Variants in SPAG16 observed in about 807,000 individuals in gnomAD.
SPAG16 encodes sperm-associated antigen 16 protein.
A neutral mutation model predicts 80.4 loss-of-function variants in SPAG16; 86 were observed. That is an observed-to-expected ratio of 1.07 (90% CI 0.90 to 1.28). SPAG16 has a LOEUF of 1.28. Ranked by LOEUF, SPAG16 falls within the 50% of genes most tolerant of loss-of-function variation. The probability of loss-of-function intolerance (pLI) is 0.00; values close to 1 mark genes in which losing one functional copy is unlikely to be tolerated. For missense variants in SPAG16, 870 were observed against 765.3 expected (o/e 1.14, Z -1.61); for synonymous variants, 294 against 265.9 (o/e 1.11, Z -1.03).
At chr2:213,613,463 A>G (rs2061500603) in intron 10 of SPAG16, among the ~76,000 whole-genome samples, 1 of 152,206 alleles carries the variant, frequency 6.6e-6, no homozygotes, top group East Asian at 1.9e-4. Flanking sequence ...TAGACTAGGT[A>G]ATTCCATTCT....
intron 12 of SPAG16, among the ~76,000 whole-genome samples, chr2:213,939,499 A>G (rs1335378186): frequency 6.6e-6 from 1 of 152,228 alleles, no homozygotes; most frequent in Non-Finnish European, 1.5e-5. Flanking sequence ...GAAAGAATTA[A>G]AAACCTTCAG....
intron 15 of SPAG16, among the ~76,000 whole-genome samples, chr2:214,184,279 A>G (rs927535523): frequency 6.6e-6 from 1 of 152,036 alleles, no homozygotes; most frequent in African/African-American, 2.4e-5. Flanking sequence ...TTGGATATTA[A>G]AACTCACCAA....
In SPAG16 at chr2:213,959,696, T is replaced by C. The variant is rs541928252; in HGVS notation, c.1400+29551T>C. ...CCTCTGGTTGAGCTCCCTGATGCCT[T>C]TGGAATTCCAGTCAGCCTCCCATCA... On this transcript the variant is annotated intron_variant, in intron 12 of 15. Transcript: ENST00000331683. Among the ~76,000 whole-genome samples, 6 of 152,306 alleles carry C rather than the reference T, an allele frequency of 3.9e-5. No homozygotes were observed. In the East Asian group the frequency reaches 1.2e-3, roughly 29 times the overall value.
chr2:213,716,204 G>A (rs1559403465), intron 10 of SPAG16, among the ~76,000 whole-genome samples: 1 of 152,024 alleles, frequency 6.6e-6, no homozygotes, highest in Non-Finnish European at 1.5e-5. Flanking sequence ...AATTGAAGAT[G>A]CAATACAGTA....
At chr2:213,437,642 C>T (rs1377555574) in intron 9 of SPAG16, among the ~76,000 whole-genome samples, 2 of 152,178 alleles carry the variant, frequency 1.3e-5, no homozygotes, top group East Asian at 3.8e-4. Context: ...GCTACAGTGA[C>T]CTTTACTTTT....
intron 10 of SPAG16, among the ~76,000 whole-genome samples, chr2:213,645,254 G>T (rs1017375995): frequency 6.6e-6 from 1 of 152,104 alleles, no homozygotes; most frequent in Non-Finnish European, 1.5e-5. Context: ...AGGGCAGTGG[G>T]CTCCCTTCTG....
chr2:214,239,716 A>G (rs16851644), intron 15 of SPAG16: 19,805 of 152,066 alleles, frequency 0.13, 1,333 homozygotes, highest in East Asian at 0.19. Flanking sequence ...GCTGCACTGG[A>G]GCTGGAGACA....
At chr2:214,089,074 A>G (rs2051982350) in intron 13 of SPAG16, among the ~76,000 whole-genome samples, 1 of 152,118 alleles carries the variant, frequency 6.6e-6, no homozygotes, top group Non-Finnish European at 1.5e-5. Context: ...CTCTGTATCT[A>G]TTCCATTCCC....
chr2:213,343,050 A>G (rs553767288), intron 6 of SPAG16, among the ~76,000 whole-genome samples: 1 of 152,128 alleles, frequency 6.6e-6, no homozygotes, highest in East Asian at 1.9e-4. Context: ...AGCTTAAGAA[A>G]TATCTGTAAT....
chr2:213,292,645 CAG>C (rs1449680068), intron 1 of SPAG16, among the ~76,000 whole-genome samples: 2 of 125,626 alleles, frequency 1.6e-5, no homozygotes, highest in Admixed American at 8.5e-5. Context: ...GCCTGGGCGA[CAG>C]AGCGAGACTC....
At chr2:213,489,668 T>C (rs955278964) in intron 9 of SPAG16, among the ~76,000 whole-genome samples, 2 of 152,070 alleles carry the variant, frequency 1.3e-5, no homozygotes, top group African/African-American at 2.4e-5. Flanking sequence ...ACCAATAATA[T>C]ATGACAATGC....
rs73987185 is a variant in SPAG16 at position 214,131,272 on chromosome 2, A to G, written c.1594-17868A>G. On this transcript the variant is annotated intron_variant, in intron 14 of 15. Coordinates refer to ENST00000331683, the MANE Select transcript of SPAG16 (RefSeq NM_024532.5). ...TGGTCCTAGTTGCTTCGGGAAGTTG[A>G]AGTGGGAGGATGGCTTGAGAGCAGG... is the stretch of plus-strand genomic sequence containing the variant. 9.0e-3 allele frequency among the ~76,000 whole-genome samples: 1,366 copies of G among 152,054 alleles called. 27 individuals are homozygous for G. The highest frequency in any genetic ancestry group is 0.031 in the African/African-American group (1,292 of 41,480).
chr2:214,313,820 A>G (rs1695498452), intron 15 of SPAG16, among the ~76,000 whole-genome samples: 1 of 152,048 alleles, frequency 6.6e-6, no homozygotes, highest in Admixed American at 6.6e-5. Context: ...ATAACATTTA[A>G]TGTTTTATTC....
intron 10 of SPAG16, among the ~76,000 whole-genome samples, chr2:213,659,683 G>A (rs1008621653): frequency 7.2e-5 from 11 of 152,118 alleles, no homozygotes; most frequent in Non-Finnish European, 1.5e-4. Context: ...AGTAAACAAT[G>A]CTATCTCAAA....
intron 10 of SPAG16, among the ~76,000 whole-genome samples, chr2:213,792,701 A>C (rs939672180): frequency 4.2e-5 from 6 of 142,902 alleles, no homozygotes; most frequent in African/African-American, 7.9e-5. Context: ...CTCCTGCCTC[A>C]GCCTCCCGAG....
chr2:213,445,058 C>T (rs538411447), intron 9 of SPAG16, among the ~76,000 whole-genome samples: 13 of 152,118 alleles, frequency 8.5e-5, no homozygotes, highest in South Asian at 2.1e-4. Context: ...AGAATGAAAC[C>T]GGACCCCTGT....
At chr2:214,196,285 TTAAGA>T (rs2057836220) in intron 15 of SPAG16, among the ~76,000 whole-genome samples, 1 of 152,052 alleles carries the variant, frequency 6.6e-6, no homozygotes, top group African/African-American at 2.4e-5. Flanking sequence ...CCTTGGCATC[TTAAGA>T]TCTTGATTAT....
chr2:213,330,542 C>G (rs2064049196), intron 5 of SPAG16, among the ~76,000 whole-genome samples: 1 of 152,270 alleles, frequency 6.6e-6, no homozygotes, highest in African/African-American at 2.4e-5. Context: ...CCTGTAGCCC[C>G]GTTGTATCTA....
chr2:213,394,240 A>G (rs2067923518), intron 9 of SPAG16, among the ~76,000 whole-genome samples: 1 of 152,174 alleles, frequency 6.6e-6, no homozygotes, highest in Admixed American at 6.6e-5. Flanking sequence ...AAAAACAGAT[A>G]TTATCTTTCA....
Sources: gnomAD v4.1 joint callset for allele counts (sites outside exome capture counted in the v4.1 genomes callset) on GRCh38, gnomAD v4.1.1 for gene constraint, MANE v1.5 for transcripts, NCBI Gene and HGNC (gene_info 2026-07-23, HGNC 2026-07-21) for gene names.